The following COL25A1 variants were observed in gnomAD, a reference collection of about 807,000 sequenced individuals.
COL25A1 encodes collagen type XXV alpha 1 chain.
COL25A1 carries 103 observed loss-of-function variants against 128.4 expected under a neutral mutation model. That is an observed-to-expected ratio of 0.80 (90% CI 0.68 to 0.94). The LOEUF (loss-of-function observed/expected upper bound fraction) is 0.94, where lower values mean the gene tolerates loss of function less well. Among genes scored for constraint, COL25A1 ranks in the 40% least tolerant of loss-of-function variants. COL25A1 has a pLI of 0.00. For missense variants in COL25A1, 745 were observed against 840.0 expected (o/e 0.89, Z 1.40); for synonymous variants, 279 against 277.2 (o/e 1.01, Z -0.06).
intron 6 of COL25A1, among the ~76,000 whole-genome samples, chr4:109,004,798 C>T (rs146693104): frequency 6.6e-6 from 1 of 152,146 alleles, no homozygotes. Context: ...TCCTGTAAAG[C>T]CTGCAGTACC....
At chr4:109,261,965 G>T (rs1045627499) in intron 3 of COL25A1, among the ~76,000 whole-genome samples, 2 of 151,844 alleles carry the variant, frequency 1.3e-5, no homozygotes, top group Non-Finnish European at 2.9e-5. Flanking sequence ...CCAAAGTGCT[G>T]GGATTACAGG....
At chr4:108,878,440 A>C (rs1739715000) in intron 19 of COL25A1, among the ~76,000 whole-genome samples, 3 of 152,194 alleles carry the variant, frequency 2.0e-5, no homozygotes, top group Non-Finnish European at 4.4e-5. Context: ...CATTAGCCAC[A>C]TAATATTCCT....
intron 3 of COL25A1, among the ~76,000 whole-genome samples, chr4:109,051,935 A>G (rs553257516): frequency 0.014 from 2,122 of 152,234 alleles, 33 homozygotes; most frequent in Middle Eastern, 0.037. Flanking sequence ...ATTAAAAAAA[A>G]ATGTTAGGAA....
At chr4:108,939,357 A>G (rs1231773051) in intron 10 of COL25A1, among the ~76,000 whole-genome samples, 1 of 152,224 alleles carries the variant, frequency 6.6e-6, no homozygotes, top group Non-Finnish European at 1.5e-5. Context: ...CCTAACAACT[A>G]GCAAATCATA....
chr4:109,068,279 G>T (rs1233322698), intron 3 of COL25A1, among the ~76,000 whole-genome samples: 2 of 152,060 alleles, frequency 1.3e-5, no homozygotes, highest in African/African-American at 2.4e-5. Flanking sequence ...TGAATGAAAA[G>T]ATAAAAGCAA....
At chr4:109,262,331 T>C (rs889081446) in intron 3 of COL25A1, among the ~76,000 whole-genome samples, 1 of 151,724 alleles carries the variant, frequency 6.6e-6, no homozygotes, top group East Asian at 2.0e-4. Flanking sequence ...CTGGCCAACA[T>C]GGCAAAACCC....
chr4:108,917,716 A>G (rs1259854650), intron 13 of COL25A1, among the ~76,000 whole-genome samples: 3 of 152,232 alleles, frequency 2.0e-5, no homozygotes, highest in Non-Finnish European at 2.9e-5. Flanking sequence ...TCTACTTTTG[A>G]TTAACAGTGA....
intron 3 of COL25A1, among the ~76,000 whole-genome samples, chr4:109,200,285 T>C (rs1487012101): frequency 1.3e-5 from 2 of 152,248 alleles, no homozygotes; most frequent in Non-Finnish European, 2.9e-5. Flanking sequence ...TTCTTTTCAC[T>C]GCCAGCATTT....
At chr4:109,175,192 A>T (rs748109665) in intron 3 of COL25A1, among the ~76,000 whole-genome samples, 2 of 152,220 alleles carry the variant, frequency 1.3e-5, no homozygotes, top group African/African-American at 2.4e-5. Context: ...CTGCCAGAAA[A>T]GGATATGGAA....
intron 3 of COL25A1, among the ~76,000 whole-genome samples, chr4:109,254,467 G>GTT (rs1389711554): frequency 1.8e-3 from 62 of 33,922 alleles, no homozygotes; most frequent in African/African-American, 5.6e-3. Flanking sequence ...GTAGGCATAT[G>GTT]TTTATATATA....
chr4:108,862,634 TGAA>T (rs1241159138), intron 21 of COL25A1, 89 bp from the exon 22 acceptor site: 4 of 1,062,640 alleles, frequency 3.8e-6, no homozygotes, highest in Non-Finnish European at 5.7e-6. Context: ...CTCAGAATAA[TGAA>T]GAAAAATGGA....
chr4:108,857,405 A>G lies in COL25A1; in HGVS notation c.1320+2251T>C, dbSNP rs1259110200. 3.9e-5 allele frequency among the ~76,000 whole-genome samples: 6 copies of G among 152,196 alleles called. No homozygotes were observed. In the South Asian group the frequency reaches 1.2e-3, roughly 32 times the overall value. ...ATTTGACAGTAACCCAGAGGCCACT[A>G]CTTACATCGAATCCAATTACACAGA... On this transcript the variant is annotated intron_variant, in intron 24 of 37. Transcript: ENST00000399132.
chr4:109,012,077 A>G (rs1756647312), intron 5 of COL25A1, among the ~76,000 whole-genome samples: 1 of 152,170 alleles, frequency 6.6e-6, no homozygotes, highest in Non-Finnish European at 1.5e-5. Context: ...TAGTGGCACA[A>G]TCATGGCTCA....
chr4:108,892,492 C>T, intron 16 of COL25A1, among the ~76,000 whole-genome samples: 1 of 152,110 alleles, frequency 6.6e-6, no homozygotes, highest in Non-Finnish European at 1.5e-5. Flanking sequence ...AATTGTGTGC[C>T]AGACATATCT....
At chr4:108,957,913 C>A (rs1750253601) in intron 8 of COL25A1, among the ~76,000 whole-genome samples, 1 of 152,000 alleles carries the variant, frequency 6.6e-6, no homozygotes, top group South Asian at 2.1e-4. Flanking sequence ...ATTTTTAATT[C>A]TAATAAAAAG....
intron 3 of COL25A1, among the ~76,000 whole-genome samples, chr4:109,164,008 G>A (rs1284978743): frequency 6.6e-6 from 1 of 152,068 alleles, no homozygotes; most frequent in Admixed American, 6.6e-5. Context: ...GAGTGGTATG[G>A]CTCAGTTTTA....
At chr4:109,164,865 T>C (rs1168706111) in intron 3 of COL25A1, among the ~76,000 whole-genome samples, 1 of 152,218 alleles carries the variant, frequency 6.6e-6, no homozygotes, top group African/African-American at 2.4e-5. Flanking sequence ...TTATATTTAG[T>C]TAGAAACACC....
intron 3 of COL25A1, among the ~76,000 whole-genome samples, chr4:109,131,938 C>T (rs1254759020): frequency 6.6e-6 from 1 of 152,188 alleles, no homozygotes; most frequent in East Asian, 1.9e-4. Context: ...TCTCTTCATA[C>T]TACCAGGGAC....
chr4:109,146,737 C>T lies in COL25A1; in HGVS notation c.368-96558G>A, dbSNP rs1258132300. On this transcript the variant is annotated intron_variant, in intron 3 of 37. Coordinates refer to ENST00000399132, the MANE Select transcript of COL25A1 (RefSeq NM_198721.4). ...ATTCCATGTCCCCCAGCAGCAATTT[C>T]CCTTAAAGAGAAGTGTGTTTCCACT... 2.6e-5 allele frequency among the ~76,000 whole-genome samples: 4 copies of T among 152,218 alleles called. No individual in the cohort carries two copies. In the East Asian group the frequency reaches 7.7e-4, roughly 29 times the overall value.
Sources: gnomAD v4.1 joint callset for allele counts (sites outside exome capture counted in the v4.1 genomes callset) on GRCh38, gnomAD v4.1.1 for gene constraint, MANE v1.5 for transcripts, NCBI Gene and HGNC (gene_info 2026-07-23, HGNC 2026-07-21) for gene names.